NKAIN1: variants seen among roughly 807,000 people sequenced by gnomAD.
NKAIN1 encodes the protein sodium/potassium transporting ATPase interacting 1.
NKAIN1 carries 13 observed loss-of-function variants against 31.6 expected under a neutral mutation model. That is an observed-to-expected ratio of 0.41 (90% CI 0.27 to 0.65). The LOEUF (loss-of-function observed/expected upper bound fraction) is 0.65, where lower values mean the gene tolerates loss of function less well. Among genes scored for constraint, NKAIN1 ranks in the 30% least tolerant of loss-of-function variants. NKAIN1 has a pLI of 0.30. For missense variants in NKAIN1, 193 were observed against 262.2 expected, an observed-to-expected ratio of 0.74 and a Z score of 1.82; for synonymous variants, 104 against 109.0, an observed-to-expected ratio of 0.95 and a Z score of 0.28.
chr1:31,194,944 G>A (rs1374556820), intron 1 of NKAIN1, among the ~76,000 whole-genome samples: 2 of 149,900 alleles, frequency 1.3e-5, no homozygotes, highest in African/African-American at 4.9e-5. Flanking sequence ...GCTAATTCTT[G>A]TATTTTCAGT....
intron 1 of NKAIN1, among the ~76,000 whole-genome samples, chr1:31,189,012 CAAAAAAA>C: frequency 7.4e-6 from 1 of 134,786 alleles, no homozygotes; most frequent in South Asian, 2.8e-4. Flanking sequence ...GACCCCGTCT[CAAAAAAA>C]AGAAAAGAAA....
At chr1:31,181,830 TCCC>T (rs1414268499) in intron 6 of NKAIN1, 27 bp downstream of exon 6, 1 of 1,590,396 alleles carries the variant, frequency 6.3e-7, no homozygotes. Context: ...CGCCCAGGCC[TCCC>T]CAAGCCAGCA....
chr1:31,195,026 C>T (rs1645313784), intron 1 of NKAIN1, among the ~76,000 whole-genome samples: 1 of 151,966 alleles, frequency 6.6e-6, no homozygotes, highest in Admixed American at 6.6e-5. Flanking sequence ...CCGCCGCAGC[C>T]TCCCAAAGTG....
At chr1:31,230,015 G>A (rs908885883) in intron 1 of NKAIN1, among the ~76,000 whole-genome samples, 2 of 152,126 alleles carry the variant, frequency 1.3e-5, no homozygotes, top group Non-Finnish European at 2.9e-5. Flanking sequence ...TGAGGTGGGT[G>A]CTATTATTAT....
chr1:31,228,382 T>G (rs996994973), intron 1 of NKAIN1, among the ~76,000 whole-genome samples: 2 of 152,148 alleles, frequency 1.3e-5, no homozygotes, highest in Non-Finnish European at 2.9e-5. Flanking sequence ...CCCTACTGCC[T>G]GTACCATGAG....
rs540562590 is a variant in NKAIN1 at position 31,239,811 on chromosome 1, C to T, written c.-264G>A. 2.6e-5 allele frequency among the ~76,000 whole-genome samples: 4 copies of T among 152,022 alleles called. No individual in the cohort carries two copies. Among genetic ancestry groups the T allele is most frequent in the African/African-American group, 9.6e-5 (4 of 41,530 alleles). On this transcript the variant is annotated 5_prime_UTR_variant, in exon 1 of 7. Transcript: ENST00000373736. The surrounding 1 kb of genome is among the most constrained non-coding windows in gnomAD (Gnocchi z 4.8). Reference sequence around the variant, plus strand: ...AGCGGGCCGTCCGTCAGGCGCGCCTCCTGCCCCGGGGCGGCTGGCGGGGAG... The same window carrying T: ...AGCGGGCCGTCCGTCAGGCGCGCCTTCTGCCCCGGGGCGGCTGGCGGGGAG...
intron 1 of NKAIN1, chr1:31,188,461 C>T (rs1269656046): frequency 2.7e-5 from 10 of 375,050 alleles, no homozygotes; most frequent in Non-Finnish European, 3.4e-5. Flanking sequence ...GCTCCTGCAC[C>T]TTCTCCATGT....
chr1:31,214,477 A>G (rs1454414460), intron 1 of NKAIN1, among the ~76,000 whole-genome samples: 1 of 152,170 alleles, frequency 6.6e-6, no homozygotes, highest in Non-Finnish European at 1.5e-5. Flanking sequence ...AAAAAAAGAA[A>G]AAAACCAGAA....
At chr1:31,206,043 G>C (rs1242161366) in intron 1 of NKAIN1, among the ~76,000 whole-genome samples, 1 of 149,822 alleles carries the variant, frequency 6.7e-6, no homozygotes, top group African/African-American at 2.4e-5. Flanking sequence ...AGACCAGCCT[G>C]ACCAATATGA....
rs2148371407 is a variant in NKAIN1, at chr1:31,239,494, C to T, written c.54G>A (p.Leu18=). Residue 18 remains leucine (L), a splice_region_variant and synonymous_variant, in exon 1 of 7, where the codon CTG becomes CTA. Coordinates refer to ENST00000373736, the MANE Select transcript of NKAIN1 (RefSeq NM_024522.3). This position sits in a 1 kb window ranked among gnomAD's most constrained non-coding sequence, Gnocchi z 4.8. ...GACTGCCTGGGCACGCGACGCTTACCAGCTGCAGGCAGCAGAAGGCGACCA... is the reference window on the plus strand; with the variant it reads ...GACTGCCTGGGCACGCGACGCTTACTAGCTGCAGGCAGCAGAAGGCGACCA... ...CTLVAFCCLQ[L]VAALERQIFD... 1.4e-6 allele frequency: 2 copies of T among 1,429,056 alleles called. No homozygotes were observed. The highest frequency in any genetic ancestry group is 6.1e-5 in the East Asian group (2 of 32,900). The allele number at this position is 1,429,056 out of a possible 1,614,324, so 88.5% of individuals were successfully genotyped here.
At chr1:31,203,140 C>CT (rs1645395904) in intron 1 of NKAIN1, among the ~76,000 whole-genome samples, 1 of 151,548 alleles carries the variant, frequency 6.6e-6, no homozygotes, top group Non-Finnish European at 1.5e-5. Context: ...GGCATGGTGG[C>CT]TGTAATCCCA....
Position 31,232,414 on chromosome 1 carries a change from TATATATATATAG to T in NKAIN1, c.54+7068_54+7079del, listed in dbSNP as rs1273200500. On this transcript the variant is annotated intron_variant, in intron 1 of 6. Coordinates refer to ENST00000373736, the MANE Select transcript of NKAIN1 (RefSeq NM_024522.3). ...CCTACTTCATATATATATATATATA[TATATATATATAG>T]AGAGAGAGAGAGAGAGAGAGAGAGA... Among the ~76,000 whole-genome samples, 34 of 33,866 alleles carry T rather than the reference TATATATATATAG, an allele frequency of 1.0e-3. 1 individual carries two copies. The highest frequency in any genetic ancestry group is 1.5e-3 in the Non-Finnish European group (26 of 17,532). 22.2% of individuals were successfully genotyped at this position (33,866 alleles called of 152,430 possible).
rs1263580549 is a variant in NKAIN1, at chr1:31,223,094, C to G, written c.54+16400G>C. ...TCTGGGATCAGAAATGCTCCATAAA[C>G]GGCCAGGCGCGGCGGCTCACGCCTG... On this transcript the variant is annotated intron_variant, in intron 1 of 6. Transcript: ENST00000373736. Among the ~76,000 whole-genome samples the G allele has an allele frequency of 1.3e-5, 2 of 152,098 alleles. 1 individual carries two copies. Among genetic ancestry groups the G allele is most frequent in the African/African-American group, 4.8e-5 (2 of 41,444 alleles).
At chr1:31,231,883 T>C (rs1645652437) in intron 1 of NKAIN1, among the ~76,000 whole-genome samples, 1 of 151,674 alleles carries the variant, frequency 6.6e-6, no homozygotes, top group African/African-American at 2.4e-5. Context: ...CATCTGAAGT[T>C]TGTCTCTCTG....
chr1:31,200,045 A>ATG (rs796531844), intron 1 of NKAIN1, among the ~76,000 whole-genome samples: 19 of 151,452 alleles, frequency 1.3e-4, no homozygotes, highest in African/African-American at 4.3e-4. Flanking sequence ...ACACATGCAC[A>ATG]CGTGCACACA....
intron 1 of NKAIN1, among the ~76,000 whole-genome samples, chr1:31,229,525 A>G (rs1645630668): frequency 6.6e-6 from 1 of 152,132 alleles, no homozygotes; most frequent in African/African-American, 2.4e-5. Flanking sequence ...GCATGCTACC[A>G]TGCCCAGCTA....
At chr1:31,183,341 C>T (rs1356636460) in intron 4 of NKAIN1, among the ~76,000 whole-genome samples, 1 of 150,448 alleles carries the variant, frequency 6.6e-6, no homozygotes, top group Non-Finnish European at 1.5e-5. Flanking sequence ...TCACTCTGCA[C>T]AGGGGCTGGG....
In NKAIN1 at chr1:31,181,495, G is replaced by GA. The variant is rs1333106605; in HGVS notation, c.*207dup. On this transcript the variant is annotated 3_prime_UTR_variant, in exon 7 of 7. Coordinates refer to ENST00000373736, the MANE Select transcript of NKAIN1 (RefSeq NM_024522.3). ...CTCCCCCGCCCCGCCCCACTCCTCC[G>GA]AAGTCCGGGCTGCGAAGAGCCAAGC... is the stretch of plus-strand genomic sequence containing the variant. The GA allele has an allele frequency of 2.8e-6, 1 of 353,372 alleles. No homozygotes were observed. The allele number at this position is 353,372 out of a possible 1,614,324, so 21.9% of individuals were successfully genotyped here. A position where few individuals can be genotyped will look rare whatever the true frequency, so the allele number is the denominator to read the frequency against.
chr1:31,221,897 G>C (rs563743816), intron 1 of NKAIN1, among the ~76,000 whole-genome samples: 3 of 151,076 alleles, frequency 2.0e-5, no homozygotes, highest in African/African-American at 7.3e-5. Context: ...TTATTTTTTT[G>C]AGACAGAGTC....
Sources: allele counts gnomAD v4.1 joint callset (sites outside exome capture counted in the v4.1 genomes callset), GRCh38; gene constraint gnomAD v4.1.1; non-coding constraint Gnocchi (gnomAD v3.1); transcripts MANE v1.5; gene names NCBI Gene and HGNC (gene_info 2026-07-23, HGNC 2026-07-21).